Variants in SOD2 observed in about 807,000 individuals in gnomAD.
The protein encoded by SOD2 is superoxide dismutase [Mn], mitochondrial.
In SOD2, 11 loss-of-function variants were observed where a neutral mutation model predicts 27.0. That is an observed-to-expected ratio of 0.41 (90% CI 0.26 to 0.67). The LOEUF is 0.67. Ranked by LOEUF, SOD2 falls within the 30% of genes least tolerant of loss-of-function variation. The pLI, the probability that SOD2 is intolerant of heterozygous loss-of-function variation, is 0.34. For synonymous variants in SOD2, 105 were observed against 103.0 expected (o/e 1.02, Z -0.12); for missense variants, 250 against 274.5 (o/e 0.91, Z 0.63).
intron 2 of SOD2, chr6:159,691,279 A>G (rs1268909701): frequency 6.6e-6 from 1 of 152,198 alleles, no homozygotes; most frequent in African/African-American, 2.4e-5. Flanking sequence ...CATGTTTCCC[A>G]AATTTGTTAT....
chr6:159,753,260 G>C (rs1779885129), intron 1 of SOD2: 1 of 679,724 alleles, frequency 1.5e-6, no homozygotes, highest in South Asian at 2.0e-5. Flanking sequence ...TTTTGTTTAG[G>C]GTTTATTTTT....
rs968941839 is a variant in SOD2, at chr6:159,671,951, G to A, written c.*10542C>T. 7.9e-5 allele frequency: 12 copies of A among 152,224 alleles called. No homozygotes were observed. Among genetic ancestry groups the A allele is most frequent in the African/African-American group, 2.4e-4 (10 of 41,460 alleles). The allele number at this position is 152,224 out of a possible 1,614,324, so 9.4% of individuals were successfully genotyped here. A position where few individuals can be genotyped will look rare whatever the true frequency, so the allele number is the denominator to read the frequency against. Reference sequence around the variant, plus strand: ...TGAGAACTACGTGACGAATGCACAAGCTTCAGTAGCCAATTCGATCAACTG... The same window carrying A: ...TGAGAACTACGTGACGAATGCACAAACTTCAGTAGCCAATTCGATCAACTG... On this transcript the variant is annotated 3_prime_UTR_variant, in exon 5 of 5. Coordinates refer to ENST00000538183, the MANE Select transcript of SOD2 (RefSeq NM_000636.4).
At chr6:159,744,472 T>C (rs966611924) in intron 1 of SOD2, among the ~76,000 whole-genome samples, 2 of 152,250 alleles carry the variant, frequency 1.3e-5, no homozygotes, top group Non-Finnish European at 2.9e-5. Flanking sequence ...GTTATTAAAG[T>C]CTTCTAAGAT....
intron 3 of SOD2, among the ~76,000 whole-genome samples, chr6:159,686,073 G>A (rs1351685009): frequency 1.3e-5 from 2 of 152,048 alleles, no homozygotes; most frequent in South Asian, 2.1e-4. Flanking sequence ...TGAACTAAGG[G>A]TATACTTTAA....
chr6:159,753,436 G>C, intron 1 of SOD2: 2 of 1,614,118 alleles, frequency 1.2e-6, no homozygotes, highest in Non-Finnish European at 1.7e-6. Context: ...TTCATTTTGT[G>C]ATGGATGGCT....
At chr6:159,726,883 G>T in intron 1 of SOD2, 1 of 1,289,190 alleles carries the variant, frequency 7.8e-7, no homozygotes, top group Non-Finnish European at 1.0e-6. Context: ...AAACGCCCGC[G>T]GCTCGCCGCC....
At chr6:159,704,015 G>A (rs1389559017) in intron 1 of SOD2, among the ~76,000 whole-genome samples, 3 of 152,210 alleles carry the variant, frequency 2.0e-5, no homozygotes, top group Non-Finnish European at 4.4e-5. Context: ...GCTGGGCATG[G>A]TGGCTCACGC....
chr6:159,727,022 C>T, intron 1 of SOD2: 1 of 1,238,628 alleles, frequency 8.1e-7, no homozygotes, highest in Non-Finnish European at 1.0e-6. Context: ...GGCAGCCCCG[C>T]AGCCGCAGGT....
intron 3 of SOD2, among the ~76,000 whole-genome samples, chr6:159,687,450 G>A (rs992939782): frequency 6.6e-6 from 1 of 151,182 alleles, no homozygotes; most frequent in Non-Finnish European, 1.5e-5. Context: ...GCACCACTGC[G>A]CTCCAGCCTG....
At chr6:159,744,290 T>C (rs932770440) in intron 1 of SOD2, among the ~76,000 whole-genome samples, 1 of 152,228 alleles carries the variant, frequency 6.6e-6, no homozygotes, top group Non-Finnish European at 1.5e-5. Flanking sequence ...ATCTGAAATC[T>C]AGTGACATAA....
intron 1 of SOD2, among the ~76,000 whole-genome samples, chr6:159,720,761 T>G (rs1371241487): frequency 6.6e-6 from 1 of 151,240 alleles, no homozygotes; most frequent in African/African-American, 2.4e-5. Context: ...CTGGAGGTTG[T>G]CCCACTATTA....
Position 159,713,616 on chromosome 6 carries a change from A to G in SOD2, c.-116+13513T>C, listed in dbSNP as rs1583041434. ...TTTCCAACCCTGAAAAGAAATGAACAATCTCTTCCTTGGACAGCCAAATGG... is the reference window on the plus strand; with the variant it reads ...TTTCCAACCCTGAAAAGAAATGAACGATCTCTTCCTTGGACAGCCAAATGG... On this transcript the variant is annotated intron_variant, in intron 1 of 2. Coordinates refer to the SOD2 transcript ENST00000401980. 8.0e-6 allele frequency: 8 copies of G among 1,004,182 alleles called. No homozygotes were observed. In the East Asian group the frequency reaches 1.7e-4, roughly 21 times the overall value. The allele number at this position is 1,004,182 out of a possible 1,614,324, so 62.2% of individuals were successfully genotyped here.
chr6:159,751,624 T>C (rs1779824620), intron 1 of SOD2, among the ~76,000 whole-genome samples: 1 of 152,224 alleles, frequency 6.6e-6, no homozygotes, highest in Admixed American at 6.5e-5. Context: ...AAAGTTATCA[T>C]ATCAAAGAAT....
At position 159,703,418 on chromosome 6, in the gene SOD2, TA is replaced by T. The variant is rs1357662669; in HGVS notation, c.-115-10556del. Among the ~76,000 whole-genome samples, 11 of 141,214 alleles carry T rather than the reference TA, an allele frequency of 7.8e-5. No homozygotes were observed. The East Asian group carries it at 2.2e-3, about 29-fold the overall frequency. 92.6% of individuals were successfully genotyped at this position (141,214 alleles called of 152,430 possible). On this transcript the variant is annotated intron_variant, in intron 1 of 2. Coordinates refer to the SOD2 transcript ENST00000401980. ...GAGGCTTTACCTCTTTTTTTTTTTT[TA>T]AAGGAAGATTTAACAAGTTTCACTT...
intron 1 of SOD2, among the ~76,000 whole-genome samples, chr6:159,738,566 T>C (rs888316978): frequency 1.3e-5 from 2 of 152,254 alleles, no homozygotes; most frequent in Admixed American, 6.5e-5. Flanking sequence ...TTGAGATACA[T>C]GTTTAAGAGT....
At chr6:159,740,271 TAATA>T (rs1211847953) in intron 1 of SOD2, among the ~76,000 whole-genome samples, 1 of 152,218 alleles carries the variant, frequency 6.6e-6, no homozygotes, top group Non-Finnish European at 1.5e-5. Flanking sequence ...TCAGTAATCT[TAATA>T]AAGAATCATA....
chr6:159,685,430 C>A (rs1159303449), intron 3 of SOD2, among the ~76,000 whole-genome samples: 1 of 151,826 alleles, frequency 6.6e-6, no homozygotes, highest in African/African-American at 2.4e-5. Flanking sequence ...TTAGTAGAGA[C>A]AGGGTTTCTC....
intron 1 of SOD2, among the ~76,000 whole-genome samples, chr6:159,698,573 A>AG (rs1337160442): frequency 1.6e-4 from 2 of 12,836 alleles, no homozygotes; most frequent in Admixed American, 1.3e-3. Context: ...CCTTGTCTCA[A>AG]AAAAAAAAAA....
At chr6:159,702,656 A>AAC (rs1777543895) in intron 1 of SOD2, among the ~76,000 whole-genome samples, 1 of 126,820 alleles carries the variant, frequency 7.9e-6, no homozygotes, top group Admixed American at 7.6e-5. Context: ...TATCTCTCCA[A>AAC]AAAAAAAAAA....
Sources: gnomAD v4.1 joint callset for allele counts (sites outside exome capture counted in the v4.1 genomes callset) on GRCh38, gnomAD v4.1.1 for gene constraint, MANE v1.5 for transcripts, NCBI Gene and HGNC (gene_info 2026-07-23, HGNC 2026-07-21) for gene names.